Variants in CHD1 observed in about 807,000 individuals in gnomAD.
CHD1 encodes the protein chromodomain helicase DNA binding protein 1, also known as ATP-dependent chromatin remodeler CHD1.
A neutral mutation model predicts 224.2 loss-of-function variants in CHD1; 36 were observed. That is an observed-to-expected ratio of 0.16 (90% CI 0.12 to 0.21). The LOEUF (loss-of-function observed/expected upper bound fraction) is 0.21. CHD1 is among the 10% of genes least tolerant of loss of function. The pLI, the probability that CHD1 is intolerant of heterozygous loss-of-function variation, is 1.00. For synonymous variants in CHD1, 668 were observed against 658.3 expected (o/e 1.01, Z -0.23); for missense variants, 1,378 against 1,994.8 (o/e 0.69, Z 5.89).
chr5:98,926,504 A>G lies in CHD1; in HGVS notation c.-118T>C, dbSNP rs1193813256. On this transcript the variant is annotated 5_prime_UTR_variant, in exon 2 of 36. Coordinates refer to ENST00000614616, the MANE Select transcript of CHD1 (RefSeq NM_001270.4). Reference sequence around the variant, plus strand: ...CACAGATGAATTTTCTTCAACAGTCACAGGTTTTCTGGGACTCTCCTTTGA... The same window carrying G: ...CACAGATGAATTTTCTTCAACAGTCGCAGGTTTTCTGGGACTCTCCTTTGA... 2.0e-6 allele frequency: 1 copy of G among 489,434 alleles called. No individual in the cohort carries two copies. Among genetic ancestry groups the G allele is most frequent in the East Asian group, 3.5e-5 (1 of 28,282 alleles). The allele number at this position is 489,434 out of a possible 1,614,324, so 30.3% of individuals were successfully genotyped here.
intron 35 of CHD1, among the ~76,000 whole-genome samples, chr5:98,857,231 A>G (rs1373547819): frequency 6.6e-6 from 1 of 152,144 alleles, no homozygotes; most frequent in Non-Finnish European, 1.5e-5. Flanking sequence ...CGACACATGA[A>G]TCATTACGAA....
intron 23 of CHD1, among the ~76,000 whole-genome samples, chr5:98,877,269 A>C (rs145790649): frequency 0.037 from 5,599 of 152,340 alleles, 164 homozygotes; most frequent in Non-Finnish European, 0.047. Flanking sequence ...GGGGTTGTAG[A>C]ATAATTAACA....
In CHD1 at chr5:98,901,299, A is replaced by C; in HGVS notation, c.474T>G (p.Ser158=). 6.2e-7 allele frequency: 1 copy of C among 1,613,122 alleles called. No individual in the cohort carries two copies. Among genetic ancestry groups the C allele is most frequent in the Non-Finnish European group, 8.5e-7 (1 of 1,179,746 alleles). Residue 158 remains serine (S), a synonymous_variant, in exon 6 of 36, where the codon TCT becomes TCG. Coordinates refer to ENST00000614616, the MANE Select transcript of CHD1 (RefSeq NM_001270.4). ...DWQMSGSGSP[S]QSGSDSESEE... is the part of the protein sequence containing the mutation. ...CAGATTCTGAATCTGAACCAGACTG[A>C]GATGGAGATCCTGACCCAGACATTT...
intron 30 of CHD1, chr5:98,869,360 T>G (rs1057201207): frequency 1.6e-6 from 1 of 637,390 alleles, no homozygotes; most frequent in Non-Finnish European, 2.0e-6. Context: ...ACAGATTGCA[T>G]GTATGTGGAT....
At chr5:98,880,949 G>A in intron 22 of CHD1, 127 bp downstream of exon 22, 1 of 676,312 alleles carries the variant, frequency 1.5e-6, no homozygotes, top group Non-Finnish European at 2.6e-6. Flanking sequence ...GAACAAGAGA[G>A]AGTAGTTTTT....
intron 12 of CHD1, among the ~76,000 whole-genome samples, chr5:98,895,969 G>A (rs1352162374): frequency 6.6e-6 from 1 of 152,096 alleles, no homozygotes; most frequent in African/African-American, 2.4e-5. Context: ...CACTTTGGGA[G>A]GCCAAGGGAG....
At chr5:98,884,351 A>G (rs1005022874) in intron 18 of CHD1, among the ~76,000 whole-genome samples, 3 of 151,800 alleles carry the variant, frequency 2.0e-5, no homozygotes, top group African/African-American at 7.3e-5. Flanking sequence ...TGGGATTACA[A>G]GCGTGAGCCA....
intron 2 of CHD1, among the ~76,000 whole-genome samples, chr5:98,915,981 T>C (rs1752704626): frequency 6.6e-6 from 1 of 152,026 alleles, no homozygotes; most frequent in Middle Eastern, 3.2e-3. Flanking sequence ...TCACCTGAGG[T>C]CAGGAGTTCA....
chr5:98,859,760 G>A (rs978636180), intron 33 of CHD1, among the ~76,000 whole-genome samples: 6 of 152,106 alleles, frequency 3.9e-5, no homozygotes, highest in African/African-American at 1.4e-4. Context: ...AAACATTTCA[G>A]AGGAGATCTG....
chr5:98,922,968 G>A (rs1011577123), intron 2 of CHD1, among the ~76,000 whole-genome samples: 1 of 151,422 alleles, frequency 6.6e-6, no homozygotes, highest in African/African-American at 2.4e-5. Flanking sequence ...CAGCCTGGGC[G>A]ACAGAGCAAG....
chr5:98,918,990 A>C (rs1054458722), intron 2 of CHD1, among the ~76,000 whole-genome samples: 1 of 152,194 alleles, frequency 6.6e-6, no homozygotes, highest in Non-Finnish European at 1.5e-5. Context: ...ACTCAATTGC[A>C]TATTTAAACT....
chr5:98,885,442 T>C (rs1370630187), intron 18 of CHD1, 136 bp downstream of exon 18: 28 of 631,386 alleles, frequency 4.4e-5, no homozygotes, highest in Non-Finnish European at 5.8e-5. Flanking sequence ...AAAACCTCAT[T>C]TGCTAATCAA....
intron 2 of CHD1, among the ~76,000 whole-genome samples, chr5:98,920,958 G>A (rs936523311): frequency 3.9e-5 from 6 of 152,096 alleles, no homozygotes; most frequent in Non-Finnish European, 7.3e-5. Context: ...ATGCAATGTG[G>A]CACTCTGGAT....
intron 13 of CHD1, among the ~76,000 whole-genome samples, chr5:98,894,178 G>C (rs1053914634): frequency 2.0e-5 from 3 of 152,216 alleles, no homozygotes; most frequent in African/African-American, 7.2e-5. Flanking sequence ...ATATAAAGTA[G>C]ATGGAGGAAT....
At chr5:98,859,156 T>C in intron 33 of CHD1, 141 bp from the exon 34 acceptor site, 1 of 551,470 alleles carries the variant, frequency 1.8e-6, no homozygotes, top group Non-Finnish European at 3.2e-6. Context: ...TATACATGTA[T>C]GACATTTATA....
rs916574646 is a variant in CHD1, at chr5:98,901,512, G to C, written c.438-177C>G. Among the ~76,000 whole-genome samples the C allele has an allele frequency of 2.2e-4, 34 of 151,954 alleles. 1 individual carries two copies. Among genetic ancestry groups the C allele is most frequent in the Non-Finnish European group, 1.0e-4 (7 of 67,970 alleles). On this transcript the variant is annotated intron_variant, in intron 5 of 35. Transcript: ENST00000614616. ...AACACTCTGGAAAATATTCTTCATA[G>C]ACTTCTCTCACAACTCTAGTTTTGC...
intron 23 of CHD1, among the ~76,000 whole-genome samples, chr5:98,877,193 C>G (rs965933615): frequency 6.6e-6 from 1 of 152,066 alleles, no homozygotes; most frequent in Non-Finnish European, 1.5e-5. Context: ...AGCAAATAAT[C>G]TAAATATTCA....
At chr5:98,909,014 C>T (rs1424646582) in intron 2 of CHD1, among the ~76,000 whole-genome samples, 2 of 152,032 alleles carry the variant, frequency 1.3e-5, no homozygotes, top group Non-Finnish European at 2.9e-5. Context: ...GATGAATTAT[C>T]ATGAATCTAT....
At chr5:98,901,742 GAAAA>G (rs537268961) in intron 5 of CHD1, among the ~76,000 whole-genome samples, 29 of 120,416 alleles carry the variant, frequency 2.4e-4, no homozygotes, top group Non-Finnish European at 4.7e-4. Context: ...AAGAAACATA[GAAAA>G]ATTAAAAAAA....
Sources: gnomAD v4.1 joint callset for allele counts (sites outside exome capture counted in the v4.1 genomes callset) on GRCh38, gnomAD v4.1.1 for gene constraint, MANE v1.5 for transcripts, NCBI Gene and HGNC (gene_info 2026-07-23, HGNC 2026-07-21) for gene names.